Variants in ITFG1 observed in about 807,000 individuals in gnomAD.
The protein encoded by ITFG1 is T-cell immunomodulatory protein.
ITFG1 carries 34 observed loss-of-function variants against 81.8 expected under a neutral mutation model. The observed-to-expected ratio is 0.42, with a 90% CI of 0.32 to 0.55. ITFG1 has a LOEUF of 0.55. ITFG1 is among the 20% of genes least tolerant of loss of function. The pLI, the probability that ITFG1 is intolerant of heterozygous loss-of-function variation, is 0.17. For missense variants in ITFG1, 672 were observed against 755.4 expected (o/e 0.89, Z 1.29); for synonymous variants, 285 against 270.6 (o/e 1.05, Z -0.52).
intron 6 of ITFG1, among the ~76,000 whole-genome samples, chr16:47,380,566 G>A (rs562029330): frequency 6.6e-6 from 1 of 152,178 alleles, no homozygotes. Context: ...GAGTGTGCAT[G>A]AGACTAAGTT....
At chr16:47,456,258 C>A (rs951135087) in intron 2 of ITFG1, among the ~76,000 whole-genome samples, 2 of 151,530 alleles carry the variant, frequency 1.3e-5, no homozygotes, top group African/African-American at 4.8e-5. Context: ...GAAATCAGAA[C>A]AAAATAGAAA....
At chr16:47,361,229 G>A (rs887827132) in intron 8 of ITFG1, among the ~76,000 whole-genome samples, 1 of 152,040 alleles carries the variant, frequency 6.6e-6, no homozygotes, top group Admixed American at 6.6e-5. Context: ...CATGAGATCT[G>A]TATAATTTAT....
At chr16:47,272,746 G>C (rs1422913121) in intron 10 of ITFG1, among the ~76,000 whole-genome samples, 1 of 151,842 alleles carries the variant, frequency 6.6e-6, no homozygotes, top group Non-Finnish European at 1.5e-5. Context: ...TGGGTGAATT[G>C]TATGGTGTGT....
intron 6 of ITFG1, among the ~76,000 whole-genome samples, chr16:47,386,067 G>C (rs1414724048): frequency 6.6e-6 from 1 of 152,132 alleles, no homozygotes; most frequent in Non-Finnish European, 1.5e-5. Flanking sequence ...CATTAGGACT[G>C]ATGAGTTTTA....
intron 14 of ITFG1, among the ~76,000 whole-genome samples, chr16:47,209,066 C>A (rs1281986256): frequency 6.6e-6 from 1 of 152,024 alleles, no homozygotes; most frequent in East Asian, 1.9e-4. Context: ...AAAAATTGAG[C>A]CATGAGAAAA....
At chr16:47,276,339 G>C (rs1262405722) in intron 10 of ITFG1, among the ~76,000 whole-genome samples, 2 of 152,080 alleles carry the variant, frequency 1.3e-5, no homozygotes, top group Non-Finnish European at 2.9e-5. Context: ...CAAAAGCTGT[G>C]TCGGAGTTTT....
At chr16:47,293,985 T>G (rs1966948596) in intron 10 of ITFG1, among the ~76,000 whole-genome samples, 2 of 152,100 alleles carry the variant, frequency 1.3e-5, no homozygotes, top group African/African-American at 2.4e-5. Context: ...TCCAGTATTT[T>G]TATTATTTCA....
intron 12 of ITFG1, among the ~76,000 whole-genome samples, chr16:47,238,607 G>A (rs1347560340): frequency 1.3e-5 from 2 of 152,156 alleles, no homozygotes; most frequent in East Asian, 1.9e-4. Flanking sequence ...TATGAGTTCT[G>A]AAATAAAACC....
chr16:47,337,786 T>C (rs1357069530), intron 8 of ITFG1, among the ~76,000 whole-genome samples: 1 of 152,154 alleles, frequency 6.6e-6, no homozygotes. Context: ...GAAAACCACA[T>C]GCATTGCCAG....
At chr16:47,315,979 C>G (rs1967351275) in intron 8 of ITFG1, among the ~76,000 whole-genome samples, 1 of 151,898 alleles carries the variant, frequency 6.6e-6, no homozygotes, top group Admixed American at 6.6e-5. Context: ...TCAGTAGAGT[C>G]CGAGTTTCGC....
chr16:47,265,718 A>C (rs1430982930), intron 10 of ITFG1, among the ~76,000 whole-genome samples: 2 of 152,194 alleles, frequency 1.3e-5, no homozygotes, highest in African/African-American at 4.8e-5. Flanking sequence ...AAACCTTTAG[A>C]AAGAGGACAA....
chr16:47,453,999 T>A lies in ITFG1; in HGVS notation c.427+14A>T. 3 of 1,544,372 alleles carry A rather than the reference T, an allele frequency of 1.9e-6. No individual in the cohort carries two copies. Among genetic ancestry groups the A allele is most frequent in the Non-Finnish European group, 2.6e-6 (3 of 1,134,808 alleles). On this transcript the variant is annotated intron_variant, in intron 3 of 17. Coordinates refer to ENST00000320640, the MANE Select transcript of ITFG1 (RefSeq NM_030790.5). ...TTCAATGATAAATATTAAAAATTTT[T>A]AAAACAAATTCACCTAATGTTTGAT...
intron 13 of ITFG1, among the ~76,000 whole-genome samples, chr16:47,226,392 ATTAAGTT>A (rs1965757292): frequency 6.6e-6 from 1 of 152,074 alleles, no homozygotes; most frequent in African/African-American, 2.4e-5. Flanking sequence ...GTATTTTTAT[ATTAAGTT>A]TTAGGGTACA....
intron 12 of ITFG1, among the ~76,000 whole-genome samples, chr16:47,239,504 T>C (rs187157799): frequency 2.0e-5 from 3 of 151,682 alleles, no homozygotes; most frequent in Admixed American, 2.0e-4. Flanking sequence ...TGGCCAGATA[T>C]TTTTTTTATA....
intron 8 of ITFG1, among the ~76,000 whole-genome samples, chr16:47,347,414 G>A (rs550868775): frequency 2.0e-5 from 3 of 152,380 alleles, no homozygotes; most frequent in Admixed American, 1.3e-4. Flanking sequence ...GCATGGCTGG[G>A]AGGGTCTCAC....
At chr16:47,329,367 C>T (rs1355310334) in intron 8 of ITFG1, among the ~76,000 whole-genome samples, 1 of 152,100 alleles carries the variant, frequency 6.6e-6, no homozygotes, top group Non-Finnish European at 1.5e-5. Flanking sequence ...GGCTAGATTC[C>T]ATGTATGACA....
chr16:47,457,913 T>C (rs1969474446), intron 2 of ITFG1, among the ~76,000 whole-genome samples: 1 of 152,232 alleles, frequency 6.6e-6, no homozygotes. Context: ...AATAAGTTCC[T>C]GTTTATCCAT....
chr16:47,428,407 T>A (rs1038801377), intron 6 of ITFG1, among the ~76,000 whole-genome samples: 5 of 152,168 alleles, frequency 3.3e-5, no homozygotes, highest in African/African-American at 1.2e-4. Context: ...AAATTTTCCA[T>A]GATAACAAGT....
chr16:47,225,080 C>T (rs774738114), intron 13 of ITFG1, among the ~76,000 whole-genome samples: 18 of 152,180 alleles, frequency 1.2e-4, no homozygotes, highest in African/African-American at 3.9e-4. Flanking sequence ...CAGTGTCTCA[C>T]CACAGTAACA....
Sources: allele counts gnomAD v4.1 joint callset (sites outside exome capture counted in the v4.1 genomes callset), GRCh38; gene constraint gnomAD v4.1.1; transcripts MANE v1.5; gene names NCBI Gene and HGNC (gene_info 2026-07-23, HGNC 2026-07-21).